Variants in CFAP299 observed in about 807,000 individuals in gnomAD.
CFAP299 encodes the protein cilia- and flagella-associated protein 299.
A neutral mutation model predicts 27.0 loss-of-function variants in CFAP299; 21 were observed. That is an observed-to-expected ratio of 0.78 (90% confidence interval 0.55 to 1.12). CFAP299 has a LOEUF of 1.12. CFAP299 is among the 50% of genes most tolerant of loss of function. The pLI is 0.00. For missense variants in CFAP299, 310 were observed against 276.6 expected (o/e 1.12, Z -0.86); for synonymous variants, 104 against 98.1 (o/e 1.06, Z -0.36).
At chr4:80,338,815 T>C (rs550067639) in intron 1 of CFAP299, among the ~76,000 whole-genome samples, 1 of 152,248 alleles carries the variant, frequency 6.6e-6, no homozygotes, top group Non-Finnish European at 1.5e-5. Flanking sequence ...AAACATTTAC[T>C]ATCTTCCAGG....
intron 2 of CFAP299, among the ~76,000 whole-genome samples, chr4:80,411,346 A>G (rs1450355894): frequency 2.0e-5 from 3 of 152,146 alleles, no homozygotes; most frequent in Admixed American, 6.5e-5. Context: ...ATCATCCTCA[A>G]TCATTACTTC....
chr4:80,329,390 G>T, the CFAP299 span, among the ~76,000 whole-genome samples: 1 of 151,922 alleles, frequency 6.6e-6, no homozygotes, highest in Non-Finnish European at 1.5e-5. Flanking sequence ...AAGATTTAAA[G>T]AATCAGGTGT....
intron 3 of CFAP299, among the ~76,000 whole-genome samples, chr4:80,708,987 A>T (rs1438573132): frequency 2.0e-5 from 3 of 152,160 alleles, no homozygotes; most frequent in Admixed American, 6.6e-5. Flanking sequence ...AAACAGCAAA[A>T]GTAACACAAA....
At chr4:80,864,753 C>G (rs1271626051) in intron 3 of CFAP299, among the ~76,000 whole-genome samples, 3 of 151,732 alleles carry the variant, frequency 2.0e-5, no homozygotes, top group Non-Finnish European at 4.4e-5. Context: ...TAACATGCTA[C>G]AAATACAATA....
At chr4:80,849,171 A>T (rs971292864) in intron 3 of CFAP299, among the ~76,000 whole-genome samples, 4 of 152,054 alleles carry the variant, frequency 2.6e-5, no homozygotes, top group African/African-American at 4.8e-5. Flanking sequence ...TTTCTTTTTT[A>T]AAATTTTTTA....
At chr4:80,690,755 G>C (rs1263855944) in intron 3 of CFAP299, among the ~76,000 whole-genome samples, 3 of 151,860 alleles carry the variant, frequency 2.0e-5, no homozygotes, top group Non-Finnish European at 4.4e-5. Context: ...GAATCCAGGA[G>C]CTGGTTTTTT....
intron 5 of CFAP299, among the ~76,000 whole-genome samples, chr4:80,962,108 C>A (rs1205164354): frequency 6.6e-6 from 1 of 151,986 alleles, no homozygotes; most frequent in Non-Finnish European, 1.5e-5. Context: ...GTACAACTTT[C>A]TCCACCATGT....
At chr4:80,585,869 GATT>G (rs1736410672) in intron 3 of CFAP299, among the ~76,000 whole-genome samples, 1 of 152,148 alleles carries the variant, frequency 6.6e-6, no homozygotes, top group African/African-American at 2.4e-5. Flanking sequence ...GATAAAGATA[GATT>G]GAGTGATTAC....
rs1159433839 is a variant in CFAP299, at chr4:80,933,268, C to T, written c.477-11542C>T. Among the ~76,000 whole-genome samples the T allele has an allele frequency of 3.7e-4, 56 of 151,994 alleles. 1 individual carries two copies. Among genetic ancestry groups the T allele is most frequent in the East Asian group, 1.9e-4 (1 of 5,174 alleles). On this transcript the variant is annotated intron_variant, in intron 4 of 5. Transcript: ENST00000358105. ...ATATTACACATTAGATCACCAATCACGTATTCATCCCTTTGACCAACATCT... is the reference window on the plus strand; with the variant it reads ...ATATTACACATTAGATCACCAATCATGTATTCATCCCTTTGACCAACATCT...
intron 3 of CFAP299, among the ~76,000 whole-genome samples, chr4:80,794,820 T>C (rs930337628): frequency 1.3e-5 from 2 of 151,998 alleles, no homozygotes; most frequent in African/African-American, 4.8e-5. Flanking sequence ...ATGGAAGAGG[T>C]CAAGTGTAAT....
rs139298240 is a variant in CFAP299, at chr4:80,696,552, T to C, written c.333+113369T>C. 5.5e-3 allele frequency among the ~76,000 whole-genome samples: 841 copies of C among 152,128 alleles called. 7 individuals are homozygous for C. Among genetic ancestry groups the C allele is most frequent in the African/African-American group, 0.019 (784 of 41,490 alleles). On this transcript the variant is annotated intron_variant, in intron 3 of 5. Coordinates refer to ENST00000358105, the MANE Select transcript of CFAP299 (RefSeq NM_152770.3). ...AAATAAAGTAGCACAATAGTAAAAA[T>C]ACTCTTTTTACTTAATGTATATTCT... is the stretch of plus-strand genomic sequence containing the variant.
At chr4:80,945,087 CT>C in intron 5 of CFAP299, 148 bp downstream of exon 5, 1 of 723,822 alleles carries the variant, frequency 1.4e-6, no homozygotes, top group Non-Finnish European at 2.3e-6. Context: ...CATGTACTAC[CT>C]TTTAAAAAAC....
At chr4:80,355,212 C>A (rs1723209358) in intron 1 of CFAP299, among the ~76,000 whole-genome samples, 1 of 151,990 alleles carries the variant, frequency 6.6e-6, no homozygotes, top group African/African-American at 2.4e-5. Context: ...TTAGTAGTAG[C>A]CATTCCGATT....
chr4:80,720,954 A>AG (rs1722775699), intron 3 of CFAP299, among the ~76,000 whole-genome samples: 2 of 152,216 alleles, frequency 1.3e-5, no homozygotes, highest in Admixed American at 1.3e-4. Flanking sequence ...TTCTAGAGAT[A>AG]GAAACTACAA....
chr4:80,906,900 C>T (rs1345580766), intron 4 of CFAP299, among the ~76,000 whole-genome samples: 1 of 152,154 alleles, frequency 6.6e-6, no homozygotes, highest in African/African-American at 2.4e-5. Flanking sequence ...GACATTTTCC[C>T]CATTGTCTTG....
chr4:80,532,813 A>C lies in CFAP299; in HGVS notation c.243-50280A>C, dbSNP rs551499318. Among the ~76,000 whole-genome samples the C allele has an allele frequency of 1.1e-4, 17 of 152,338 alleles. 1 individual carries two copies. The South Asian group carries it at 3.5e-3, about 32-fold the overall frequency. On this transcript the variant is annotated intron_variant, in intron 2 of 5. Coordinates refer to ENST00000358105, the MANE Select transcript of CFAP299 (RefSeq NM_152770.3). ...TAAATTTCAGTTGCAGACATTGTTC[A>C]TAAAAGCAGGAAGAAAACTCTGCAA...
chr4:80,646,210 T>TA (rs1295680540), intron 3 of CFAP299, among the ~76,000 whole-genome samples: 1 of 152,158 alleles, frequency 6.6e-6, no homozygotes, highest in Admixed American at 6.6e-5. Context: ...ACATCTGTAT[T>TA]AGAGAGTTTA....
chr4:80,700,770 A>T (rs1457600373), intron 3 of CFAP299, among the ~76,000 whole-genome samples: 1 of 152,132 alleles, frequency 6.6e-6, no homozygotes, highest in Non-Finnish European at 1.5e-5. Flanking sequence ...AGATTACTTA[A>T]AAATAATTTT....
intron 3 of CFAP299, among the ~76,000 whole-genome samples, chr4:80,752,988 T>A (rs76005404): frequency 2.6e-5 from 4 of 152,198 alleles, no homozygotes; most frequent in African/African-American, 9.6e-5. Context: ...AATACACTGA[T>A]ACTGTCCTTT....
Sources: gnomAD v4.1 joint callset for allele counts (sites outside exome capture counted in the v4.1 genomes callset) on GRCh38, gnomAD v4.1.1 for gene constraint, MANE v1.5 for transcripts, NCBI Gene and HGNC (gene_info 2026-07-23, HGNC 2026-07-21) for gene names.